TULP4: variants seen among roughly 807,000 people sequenced by gnomAD.
TULP4 encodes tubby-related protein 4.
Under a neutral mutation model 129.0 loss-of-function variants are expected in TULP4, and 16 were observed. The observed-to-expected ratio is 0.12, with a 90% CI of 0.08 to 0.19. TULP4 has a LOEUF of 0.19. TULP4 is among the 10% of genes least tolerant of loss of function. The probability of loss-of-function intolerance (pLI) is 1.00; values close to 1 mark genes in which losing one functional copy is unlikely to be tolerated. For missense variants in TULP4, 1,842 were observed against 2,059.1 expected, an observed-to-expected ratio of 0.89 and a Z score of 2.04; for synonymous variants, 998 against 854.0, an observed-to-expected ratio of 1.17 and a Z score of -2.94.
intron 1 of TULP4, among the ~76,000 whole-genome samples, chr6:158,333,661 GA>G (rs1259983962): frequency 6.6e-6 from 1 of 152,064 alleles, no homozygotes; most frequent in Non-Finnish European, 1.5e-5. Context: ...ACAATTTTTA[GA>G]GATTTGTGAC....
intron 1 of TULP4, among the ~76,000 whole-genome samples, chr6:158,409,146 A>T (rs553483504): frequency 6.6e-6 from 1 of 152,298 alleles, no homozygotes; most frequent in East Asian, 1.9e-4. Context: ...AAGTAGTTCT[A>T]GGTGTAAGAA....
Position 158,507,818 on chromosome 6 carries a change from G to A in TULP4, c.*1124G>A, listed in dbSNP as rs147206358. ...CATTAAAATTCAGTTGACTACAAATGCTTTCTATCAAATTAGAAATGTAAC... is the reference window on the plus strand; with the variant it reads ...CATTAAAATTCAGTTGACTACAAATACTTTCTATCAAATTAGAAATGTAAC... On this transcript the variant is annotated 3_prime_UTR_variant, in exon 14 of 14. Coordinates refer to ENST00000367097, the MANE Select transcript of TULP4 (RefSeq NM_020245.5). 2.5e-4 allele frequency: 38 copies of A among 152,216 alleles called. No homozygotes were observed. The East Asian group carries it at 7.3e-3, about 29-fold the overall frequency. 9.4% of individuals were successfully genotyped at this position (152,216 alleles called of 1,614,324 possible).
At chr6:158,369,403 G>T (rs1484421098) in intron 1 of TULP4, among the ~76,000 whole-genome samples, 2 of 152,162 alleles carry the variant, frequency 1.3e-5, no homozygotes, top group African/African-American at 2.4e-5. Context: ...GAAGATTGAG[G>T]TGAGATCATC....
intron 1 of TULP4, among the ~76,000 whole-genome samples, chr6:158,395,298 T>C (rs984060273): frequency 6.6e-6 from 1 of 152,100 alleles, no homozygotes; most frequent in African/African-American, 2.4e-5. Flanking sequence ...ATGGAAGACC[T>C]GGCCGGGCAC....
chr6:158,339,066 C>T (rs1482260932), intron 1 of TULP4, among the ~76,000 whole-genome samples: 2 of 152,122 alleles, frequency 1.3e-5, no homozygotes, highest in African/African-American at 2.4e-5. Context: ...ATCAGGGGAA[C>T]CTGCCCCCAG....
chr6:158,239,684 A>G (rs1431707340), intron 1 of TULP4, among the ~76,000 whole-genome samples: 7 of 55,432 alleles, frequency 1.3e-4, no homozygotes, highest in South Asian at 8.0e-4. Context: ...GGCCGGGCAG[A>G]GGGGCTCCTC....
chr6:158,313,366 A>T lies in TULP4; in HGVS notation c.-651A>T. 1 of 397,756 alleles carries T rather than the reference A, an allele frequency of 2.5e-6. No homozygotes were observed. Among genetic ancestry groups the T allele is most frequent in the Admixed American group, 4.4e-5 (1 of 22,722 alleles). The allele number at this position is 397,756 out of a possible 1,614,324, so 24.6% of individuals were successfully genotyped here. The stretch of plus-strand genomic sequence containing the variant: ...TCCTAAAATTTGGACTCTTGTCTGC[A>T]CAAACTCTGGTCTGTTTTGCACGGT... On this transcript the variant is annotated 5_prime_UTR_variant, in exon 1 of 14. Transcript: ENST00000367097.
At chr6:158,444,029 C>T (rs992996016) in intron 3 of TULP4, among the ~76,000 whole-genome samples, 4 of 151,682 alleles carry the variant, frequency 2.6e-5, no homozygotes, top group Admixed American at 6.6e-5. Flanking sequence ...ACCATCCTGG[C>T]TAACACGGTG....
chr6:158,433,716 T>A (rs1405778330), intron 3 of TULP4, among the ~76,000 whole-genome samples: 1 of 152,094 alleles, frequency 6.6e-6, no homozygotes, highest in African/African-American at 2.4e-5. Flanking sequence ...CAAAAAAAAG[T>A]TATTTTTCAC....
At chr6:158,470,211 C>T (rs906860311) in intron 6 of TULP4, among the ~76,000 whole-genome samples, 1 of 152,202 alleles carries the variant, frequency 6.6e-6, no homozygotes, top group Non-Finnish European at 1.5e-5. Flanking sequence ...CTGCCAGATT[C>T]GGAGGGATGG....
At chr6:158,247,233 G>A (rs1214807118) in intron 1 of TULP4, among the ~76,000 whole-genome samples, 1 of 151,814 alleles carries the variant, frequency 6.6e-6, no homozygotes, top group African/African-American at 2.4e-5. Flanking sequence ...AGATCCCCTG[G>A]GATAAAGTGC....
At chr6:158,251,460 A>G (rs1778137389) in intron 1 of TULP4, among the ~76,000 whole-genome samples, 2 of 132,626 alleles carry the variant, frequency 1.5e-5, no homozygotes, top group South Asian at 4.7e-4. Flanking sequence ...ACTTAATATA[A>G]ACTATTTTTT....
At chr6:158,429,403 T>C (rs1425318611) in intron 2 of TULP4, among the ~76,000 whole-genome samples, 1 of 152,254 alleles carries the variant, frequency 6.6e-6, no homozygotes, top group East Asian at 1.9e-4. Context: ...CCTCCCGAAG[T>C]GCTGGGATTA....
chr6:158,247,895 T>C (rs1199627376), intron 1 of TULP4, among the ~76,000 whole-genome samples: 1 of 152,212 alleles, frequency 6.6e-6, no homozygotes, highest in Non-Finnish European at 1.5e-5. Flanking sequence ...TGAGAAAATA[T>C]ACAGGATTAT....
intron 1 of TULP4, among the ~76,000 whole-genome samples, chr6:158,389,032 T>A (rs1267026188): frequency 6.6e-6 from 1 of 152,358 alleles, no homozygotes; most frequent in South Asian, 2.1e-4. Context: ...CAACTCAATG[T>A]GATGTGGTGT....
chr6:158,400,651 A>T (rs558758949), intron 1 of TULP4, among the ~76,000 whole-genome samples: 1 of 152,092 alleles, frequency 6.6e-6, no homozygotes, highest in Non-Finnish European at 1.5e-5. Flanking sequence ...GTTTTTGCTT[A>T]TGCTTAATTT....
intron 1 of TULP4, among the ~76,000 whole-genome samples, chr6:158,333,067 A>G (rs1351887440): frequency 2.6e-5 from 4 of 152,110 alleles, no homozygotes; most frequent in African/African-American, 7.2e-5. Flanking sequence ...CCCTTCTTCC[A>G]TAGTTTGCTT....
intron 1 of TULP4, among the ~76,000 whole-genome samples, chr6:158,410,243 A>G (rs1232089101): frequency 1.3e-5 from 2 of 152,220 alleles, no homozygotes; most frequent in Non-Finnish European, 2.9e-5. Context: ...AGACCAAAAA[A>G]TCTTCAATTT....
chr6:158,289,519 A>G (rs827862), intron 1 of TULP4, among the ~76,000 whole-genome samples: 9,772 of 152,206 alleles, frequency 0.064, 379 homozygotes, highest in East Asian at 0.093. Context: ...CTTTTCTAAC[A>G]TAAGTTTTAT....
Sources: allele counts gnomAD v4.1 joint callset (sites outside exome capture counted in the v4.1 genomes callset), GRCh38; gene constraint gnomAD v4.1.1; transcripts MANE v1.5; gene names NCBI Gene and HGNC (gene_info 2026-07-23, HGNC 2026-07-21).